ATP6V1C1: variants seen among roughly 807,000 people sequenced by gnomAD.
ATP6V1C1 encodes the protein ATPase H+ transporting V1 subunit C1.
ATP6V1C1 carries 45 observed loss-of-function variants against 53.9 expected under a neutral mutation model. The ratio of observed to expected loss-of-function variants is 0.83; its 90% CI spans 0.66 to 1.07. The LOEUF is 1.07. Ranked by LOEUF, ATP6V1C1 falls within the 50% of genes least tolerant of loss-of-function variation. The probability of loss-of-function intolerance (pLI) is 0.00; values close to 1 mark genes in which losing one functional copy is unlikely to be tolerated. For synonymous variants in ATP6V1C1, 153 were observed against 155.2 expected (o/e 0.99, Z 0.11); for missense variants, 315 against 440.3 (o/e 0.72, Z 2.55).
At chr8:103,034,300 A>G (rs981941161) in intron 1 of ATP6V1C1, among the ~76,000 whole-genome samples, 1 of 152,166 alleles carries the variant, frequency 6.6e-6, no homozygotes, top group African/African-American at 2.4e-5. Flanking sequence ...TGCTACATTT[A>G]GGCCTGACTT....
chr8:103,055,355 C>A (rs967975285), intron 7 of ATP6V1C1, among the ~76,000 whole-genome samples: 1 of 152,098 alleles, frequency 6.6e-6, no homozygotes, highest in African/African-American at 2.4e-5. Flanking sequence ...CTCCCCACAC[C>A]CCTGGAAGCC....
intron 8 of ATP6V1C1, among the ~76,000 whole-genome samples, chr8:103,057,518 G>A (rs751368821): frequency 3.3e-5 from 5 of 152,166 alleles, no homozygotes; most frequent in African/African-American, 7.2e-5. Context: ...TTACTTAGGC[G>A]TGGAAAGTTA....
rs1344089082 is a variant in ATP6V1C1 at position 103,069,699 on chromosome 8, T to G, written c.*952T>G. 6.6e-6 allele frequency: 1 copy of G among 152,150 alleles called. No homozygotes were observed. Among genetic ancestry groups the G allele is most frequent in the Non-Finnish European group, 1.5e-5 (1 of 68,030 alleles). 9.4% of individuals were successfully genotyped at this position (152,150 alleles called of 1,614,324 possible). ...TTGTTGGCCTTTAAAATCTCAGAAA[T>G]GAATGACTTAATTTAGTGTCCTGAA... On this transcript the variant is annotated 3_prime_UTR_variant, in exon 13 of 13. Transcript: ENST00000518738.
At chr8:103,050,836 G>A (rs1041615976) in intron 4 of ATP6V1C1, among the ~76,000 whole-genome samples, 3 of 152,108 alleles carry the variant, frequency 2.0e-5, no homozygotes, top group Non-Finnish European at 4.4e-5. Context: ...ATCTTAATAT[G>A]TATTAAAGTT....
intron 1 of ATP6V1C1, among the ~76,000 whole-genome samples, chr8:103,022,351 A>C (rs1403012682): frequency 6.6e-6 from 1 of 152,154 alleles, no homozygotes; most frequent in African/African-American, 2.4e-5. Context: ...ACTGCGGAGA[A>C]GTGGGAAAGA....
At chr8:103,049,301 G>T (rs1185885253) in intron 4 of ATP6V1C1, among the ~76,000 whole-genome samples, 2 of 152,124 alleles carry the variant, frequency 1.3e-5, no homozygotes, top group Non-Finnish European at 2.9e-5. Flanking sequence ...TCTCAGCATT[G>T]TTCCAGTTGA....
chr8:103,070,062 A>G lies in ATP6V1C1; in HGVS notation c.*1315A>G, dbSNP rs988429428. On this transcript the variant is annotated 3_prime_UTR_variant, in exon 13 of 13. Coordinates refer to ENST00000518738, the MANE Select transcript of ATP6V1C1 (RefSeq NM_001695.5). ...TATACACACACACAGTTTATTTTTA[A>G]TAAAATAGGATTATACCACACACAT... is the stretch of plus-strand genomic sequence containing the variant. The G allele has an allele frequency of 1.3e-5, 2 of 152,146 alleles. No individual in the cohort carries two copies. Among genetic ancestry groups the G allele is most frequent in the Non-Finnish European group, 2.9e-5 (2 of 68,020 alleles). The allele number at this position is 152,146 out of a possible 1,614,324, so 9.4% of individuals were successfully genotyped here.
At position 103,066,631 on chromosome 8, in the gene ATP6V1C1, A is replaced by C. The variant is rs138139622; in HGVS notation, c.1053+184A>C. 2.7e-3 allele frequency among the ~76,000 whole-genome samples: 414 copies of C among 152,336 alleles called. 1 individual carries two copies. Among genetic ancestry groups the C allele is most frequent in the Non-Finnish European group, 4.1e-3 (279 of 68,024 alleles). On this transcript the variant is annotated intron_variant, in intron 12 of 12. Transcript: ENST00000518738. Reference sequence around the variant, plus strand: ...TTGTTTACCCTGTTTTATACTAATTATATCTGTGTTTTGCTTCTTGGCATT... The same window carrying C: ...TTGTTTACCCTGTTTTATACTAATTCTATCTGTGTTTTGCTTCTTGGCATT...
At chr8:103,021,738 G>A (rs936875921) in intron 1 of ATP6V1C1, among the ~76,000 whole-genome samples, 10 of 152,138 alleles carry the variant, frequency 6.6e-5, no homozygotes, top group African/African-American at 2.4e-4. Flanking sequence ...GTCCCTCTAG[G>A]AATGAGAAAG....
intron 5 of ATP6V1C1, 64 bp from the exon 6 acceptor site, chr8:103,052,667 A>G: frequency 1.2e-6 from 1 of 837,830 alleles, no homozygotes; most frequent in Admixed American, 2.9e-5. Flanking sequence ...AGCTACTTTG[A>G]TAGTATTAGT....
In ATP6V1C1 at chr8:103,048,864, C is replaced by T; in HGVS notation, c.201-6C>T. 1 of 1,609,256 alleles carries T rather than the reference C, an allele frequency of 6.2e-7. No individual in the cohort carries two copies. Among genetic ancestry groups the T allele is most frequent in the African/African-American group, 1.3e-5 (1 of 74,816 alleles). ...AGAATGGTTGTTGATATTTTTTCTT[C>T]CCCAGAGTGGTTAAGAAAGTAGCTC... On this transcript the variant is annotated splice_region_variant and splice_polypyrimidine_tract_variant and intron_variant, in intron 3 of 12. Transcript: ENST00000518738.
At chr8:103,049,092 A>G in intron 4 of ATP6V1C1, 137 bp downstream of exon 4, 1 of 745,888 alleles carries the variant, frequency 1.3e-6, no homozygotes, top group Non-Finnish European at 2.1e-6. Context: ...TACAATTATT[A>G]TTACTGAATT....
intron 1 of ATP6V1C1, among the ~76,000 whole-genome samples, chr8:103,033,133 A>C (rs1307293913): frequency 2.6e-5 from 4 of 152,230 alleles, no homozygotes; most frequent in African/African-American, 9.6e-5. Context: ...AGGCAAAACT[A>C]ATCTATAGTA....
chr8:103,035,623 C>T (rs1016718299), intron 1 of ATP6V1C1, among the ~76,000 whole-genome samples: 33 of 152,200 alleles, frequency 2.2e-4, no homozygotes, highest in African/African-American at 6.5e-4. Context: ...TACAATCATC[C>T]GCAGGAAGGG....
chr8:103,053,962 A>G lies in ATP6V1C1; in HGVS notation c.552A>G (p.Thr184=). The G allele has an allele frequency of 1.2e-6, 2 of 1,609,488 alleles. No homozygotes were observed. The highest frequency in any genetic ancestry group is 1.7e-6 in the Non-Finnish European group (2 of 1,177,708). The change falls in exon 7 of 13, where the codon ACA becomes ACG. Residue 184 remains threonine (T), a synonymous_variant. Coordinates refer to ENST00000518738, the MANE Select transcript of ATP6V1C1 (RefSeq NM_001695.5). ...DFVLDSEYLV[T]LLVVVPKLNH... ...TTCTTGATTCAGAGTATCTCGTCAC[A>G]TTACTGGTAGTAGTTCCCAAGTAAG...
chr8:103,030,350 G>C (rs1816775271), intron 1 of ATP6V1C1, among the ~76,000 whole-genome samples: 2 of 152,146 alleles, frequency 1.3e-5, no homozygotes, highest in Non-Finnish European at 2.9e-5. Context: ...GGTTGTGGCT[G>C]AATCCCTGCA....
chr8:103,064,823 T>A lies in ATP6V1C1; in HGVS notation c.926+12T>A, dbSNP rs200782557. The stretch of plus-strand genomic sequence containing the variant: ...GAGTCTGTTTTAAGGTAAAGCAAGT[T>A]AATTGCCAAACTTGGAACTGAAGAG... On this transcript the variant is annotated intron_variant, in intron 11 of 12. Coordinates refer to ENST00000518738, the MANE Select transcript of ATP6V1C1 (RefSeq NM_001695.5). 45 of 1,609,288 alleles carry A rather than the reference T, an allele frequency of 2.8e-5. No individual in the cohort carries two copies. The highest frequency in any genetic ancestry group is 1.0e-4 in the Admixed American group (6 of 59,012).
Position 103,064,714 on chromosome 8 carries a change from G to A in ATP6V1C1, c.829G>A (p.Gly277Arg). The A allele has an allele frequency of 1.2e-6, 2 of 1,605,314 alleles. No individual in the cohort carries two copies. The highest frequency in any genetic ancestry group is 1.7e-6 in the Non-Finnish European group (2 of 1,176,938). Reference protein sequence around the residue: ...RLSTDKKKQFGPLVRWLKVNF... With the variant: ...RLSTDKKKQFRPLVRWLKVNF... Reference sequence around the variant, plus strand: ...GTGGTAATTTTTTTTCTTTTTATAGGGACCACTTGTACGGTGGCTGAAAGT... The same window carrying A: ...GTGGTAATTTTTTTTCTTTTTATAGAGACCACTTGTACGGTGGCTGAAAGT... Residue 277 changes from glycine (G) to arginine (R), a missense_variant and splice_region_variant, in exon 11 of 13, where the codon GGA (glycine) becomes AGA (arginine). Transcript: ENST00000518738.
At chr8:103,022,656 T>C (rs1423701412) in intron 1 of ATP6V1C1, among the ~76,000 whole-genome samples, 1 of 152,150 alleles carries the variant, frequency 6.6e-6, no homozygotes, top group Non-Finnish European at 1.5e-5. Context: ...TTAAAACAAT[T>C]TTATTTATAT....
Sources: gnomAD v4.1 joint callset for allele counts (sites outside exome capture counted in the v4.1 genomes callset) on GRCh38, gnomAD v4.1.1 for gene constraint, MANE v1.5 for transcripts, NCBI Gene and HGNC (gene_info 2026-07-23, HGNC 2026-07-21) for gene names.